CIAPIN1: variants seen among roughly 807,000 people sequenced by gnomAD.
CIAPIN1 encodes the protein anamorsin.
Under a neutral mutation model 34.3 loss-of-function variants are expected in CIAPIN1, and 18 were observed. That is an observed-to-expected ratio of 0.52 (90% confidence interval 0.36 to 0.78). The LOEUF (loss-of-function observed/expected upper bound fraction) is 0.78. CIAPIN1 is among the 30% of genes least tolerant of loss of function. The pLI, the probability that CIAPIN1 is intolerant of heterozygous loss-of-function variation, is 0.00. For missense variants in CIAPIN1, 310 were observed against 372.5 expected, an observed-to-expected ratio of 0.83 and a Z score of 1.38; for synonymous variants, 131 against 140.4, an observed-to-expected ratio of 0.93 and a Z score of 0.47.
At chr16:57,438,493 A>G (rs1269550337) in intron 3 of CIAPIN1, among the ~76,000 whole-genome samples, 1 of 152,238 alleles carries the variant, frequency 6.6e-6, no homozygotes, top group Non-Finnish European at 1.5e-5. Flanking sequence ...ATCTTACCCA[A>G]TTATAGCATG....
intron 4 of CIAPIN1, among the ~76,000 whole-genome samples, chr16:57,436,191 C>T (rs180798263): frequency 6.6e-6 from 1 of 152,302 alleles, no homozygotes; most frequent in Non-Finnish European, 1.5e-5. Context: ...CAAGCTGAGT[C>T]TCTTTGAAGT....
chr16:57,429,281 C>A lies in CIAPIN1; in HGVS notation c.829-1G>T, dbSNP rs763240289. 4 of 1,609,660 alleles carry A rather than the reference C, an allele frequency of 2.5e-6. No individual in the cohort carries two copies. In the East Asian group the frequency reaches 8.9e-5, roughly 36 times the overall value. On this transcript the variant is annotated splice_acceptor_variant, in intron 8 of 8. Coordinates refer to ENST00000394391, the MANE Select transcript of CIAPIN1 (RefSeq NM_020313.4). LOFTEE classifies it high-confidence loss of function. ...AGCGGAAGGCATCGCCCAGGTAGCA[C>A]TGGAGAGAGAGAATGGGGAAGCCAA...
At chr16:57,447,235 C>A (rs370355344) in intron 1 of CIAPIN1, 107 bp downstream of exon 1, 15 of 365,936 alleles carry the variant, frequency 4.1e-5, no homozygotes, top group African/African-American at 2.3e-4. Context: ...GCGTTCCCAT[C>A]GAGGAACGGG....
intron 7 of CIAPIN1, among the ~76,000 whole-genome samples, chr16:57,430,841 C>T (rs78711131): frequency 0.032 from 4,873 of 152,170 alleles, 273 homozygotes; most frequent in African/African-American, 0.11. Flanking sequence ...TGCAGTGGCA[C>T]AATAGTGGCT....
intron 5 of CIAPIN1, 52 bp from the exon 6 acceptor site, chr16:57,432,612 T>A: frequency 6.7e-7 from 1 of 1,498,056 alleles, no homozygotes; most frequent in Non-Finnish European, 9.3e-7. Flanking sequence ...CAGAAACTAT[T>A]AATTACAAAC....
At position 57,439,209 on chromosome 16, in the gene CIAPIN1, G is replaced by A; in HGVS notation, c.283C>T (p.Leu95=). The change falls in exon 3 of 9, where the codon CTG becomes TTG. Residue 95 remains leucine, a synonymous_variant. Transcript: ENST00000394391. ...ACAGCTGTCTCTACTGGCTCCTTCA[G>A]AAAAAGACATCCACCAGGCCGAAGG... The part of the protein sequence containing the change: ...RILRPGGCLF[L]KEPVETAVDN... The A allele has an allele frequency of 6.2e-7, 1 of 1,614,046 alleles. No homozygotes were observed. Among genetic ancestry groups the A allele is most frequent in the South Asian group, 1.1e-5 (1 of 91,072 alleles).
chr16:57,442,435 T>C (rs1238501738), intron 1 of CIAPIN1, among the ~76,000 whole-genome samples: 1 of 151,604 alleles, frequency 6.6e-6, no homozygotes, highest in Non-Finnish European at 1.5e-5. Context: ...GCGAGGCAGG[T>C]GGATCCCTTG....
At chr16:57,438,662 T>C (rs1234813558) in intron 3 of CIAPIN1, among the ~76,000 whole-genome samples, 5 of 152,206 alleles carry the variant, frequency 3.3e-5, no homozygotes, top group Non-Finnish European at 5.9e-5. Context: ...GAACACAGAA[T>C]TGTTCTATCA....
rs1315172668 is a variant in CIAPIN1 at position 57,431,284 on chromosome 16, C to T, written c.631-18G>A. On this transcript the variant is annotated intron_variant, in intron 6 of 8. Transcript: ENST00000394391. ...ATGAGATCCTGGAGAGTGTTCAAAG[C>T]AATGAGTGATACAGTCGTGGTCTCT... 3 of 1,536,952 alleles carry T rather than the reference C, an allele frequency of 2.0e-6. No homozygotes were observed. Among genetic ancestry groups the T allele is most frequent in the South Asian group, 2.2e-5 (2 of 89,416 alleles).
At chr16:57,445,720 A>T (rs2030025192) in intron 1 of CIAPIN1, among the ~76,000 whole-genome samples, 1 of 151,886 alleles carries the variant, frequency 6.6e-6, no homozygotes, top group South Asian at 2.1e-4. Flanking sequence ...CCTGCAAATG[A>T]GACCTAAGAA....
Position 57,433,501 on chromosome 16 carries a change from G to A in CIAPIN1, c.556+543C>T, listed in dbSNP as rs566612210. 21 of 157,364 alleles carry A rather than the reference G, an allele frequency of 1.3e-4. No homozygotes were observed. In the South Asian group the frequency reaches 4.0e-3, roughly 30 times the overall value. 9.7% of individuals were successfully genotyped at this position (157,364 alleles called of 1,614,324 possible). On this transcript the variant is annotated intron_variant, in intron 5 of 8. Transcript: ENST00000394391. ...GTCAATTCAGGCATTTAAAAATAGG[G>A]ATAGGAAGGATGAGGATGGAGCTGT...
chr16:57,436,753 A>ATT (rs1239111417), intron 3 of CIAPIN1, 21 bp from the exon 4 acceptor site: 1 of 1,601,306 alleles, frequency 6.2e-7, no homozygotes, highest in Non-Finnish European at 8.6e-7. Context: ...GAAAATCCCA[A>ATT]TTAATAGCTT....
In CIAPIN1 at chr16:57,442,654, C is replaced by T. The variant is rs115808569; in HGVS notation, c.-55-1671G>A. On this transcript the variant is annotated intron_variant, in intron 1 of 8. Coordinates refer to ENST00000394391, the MANE Select transcript of CIAPIN1 (RefSeq NM_020313.4). ...GAGGCTGCAGTGAGCCAAGATTGTG[C>T]CACTACATTCCAGACCCTGTCTCAA... Among the ~76,000 whole-genome samples the T allele has an allele frequency of 6.3e-3, 964 of 152,258 alleles. 10 individuals carry two copies. Among genetic ancestry groups the T allele is most frequent in the African/African-American group, 0.022 (931 of 41,554 alleles).
At position 57,428,962 on chromosome 16, in the gene CIAPIN1, A is replaced by G. The variant is rs761906411; in HGVS notation, c.*208T>C. 1,218 of 516,518 alleles carry G rather than the reference A, an allele frequency of 2.4e-3. 3 individuals carry two copies. Among genetic ancestry groups the G allele is most frequent in the Non-Finnish European group, 3.5e-3 (1,014 of 288,780 alleles). 32.0% of individuals were successfully genotyped at this position (516,518 alleles called of 1,614,324 possible). A position where few individuals can be genotyped will look rare whatever the true frequency, so the allele number is the denominator to read the frequency against. ...AAGAAACCCATCCCATTCTGAAACC[A>G]GGTCCCATAATACCTTGGTCTTTTG... On this transcript the variant is annotated 3_prime_UTR_variant, in exon 9 of 9. Transcript: ENST00000394391.
At chr16:57,433,201 C>A (rs1353993650) in intron 5 of CIAPIN1, among the ~76,000 whole-genome samples, 1 of 152,194 alleles carries the variant, frequency 6.6e-6, no homozygotes, top group African/African-American at 2.4e-5. Context: ...CAGGAGAATG[C>A]AAGGAAGAGG....
chr16:57,435,443 C>G (rs1269492562), intron 4 of CIAPIN1, among the ~76,000 whole-genome samples: 1 of 152,156 alleles, frequency 6.6e-6, no homozygotes, highest in South Asian at 2.1e-4. Context: ...AAATCAAGCA[C>G]AGAAAACCTT....
intron 8 of CIAPIN1, 64 bp downstream of exon 8, chr16:57,430,194 G>T: frequency 7.3e-7 from 1 of 1,376,604 alleles, no homozygotes; most frequent in Non-Finnish European, 1.0e-6. Flanking sequence ...TCTGTGTTTA[G>T]TTTAGAAGAA....
chr16:57,444,831 G>A (rs1296668559), intron 1 of CIAPIN1, among the ~76,000 whole-genome samples: 3 of 152,108 alleles, frequency 2.0e-5, no homozygotes, highest in African/African-American at 4.8e-5. Flanking sequence ...AAAAAAACCC[G>A]TAAGGAAAAA....
Position 57,431,354 on chromosome 16 carries a change from G to GA in CIAPIN1, c.631-89_631-88insT, listed in dbSNP as rs1178782573. On this transcript the variant is annotated intron_variant, in intron 6 of 8. Coordinates refer to ENST00000394391, the MANE Select transcript of CIAPIN1 (RefSeq NM_020313.4). Reference sequence around the variant, plus strand: ...GACTGCAGGCTTCGAGAGGAAACTTGGAGTCCAGGGTAAAGAAGGTGTCCA... The same window carrying GA: ...GACTGCAGGCTTCGAGAGGAAACTTGAGAGTCCAGGGTAAAGAAGGTGTCCA... The GA allele has an allele frequency of 8.5e-6, 7 of 825,028 alleles. No individual in the cohort carries two copies. The Admixed American group carries it at 1.5e-4, about 17-fold the overall frequency. 51.1% of individuals were successfully genotyped at this position (825,028 alleles called of 1,614,324 possible).
Sources: allele counts gnomAD v4.1 joint callset (sites outside exome capture counted in the v4.1 genomes callset), GRCh38; gene constraint gnomAD v4.1.1; transcripts MANE v1.5; gene names NCBI Gene and HGNC (gene_info 2026-07-23, HGNC 2026-07-21).